The following RFX3 variants were observed in gnomAD, a reference collection of about 807,000 sequenced individuals.
RFX3 encodes regulatory factor X3.
In RFX3, 14 loss-of-function variants were observed where a neutral mutation model predicts 98.6. That is an observed-to-expected ratio of 0.14 (90% CI 0.09 to 0.22). RFX3 has a LOEUF of 0.22. Ranked by LOEUF, RFX3 falls within the 10% of genes least tolerant of loss-of-function variation. The probability of loss-of-function intolerance (pLI) is 1.00; values close to 1 mark genes in which losing one functional copy is unlikely to be tolerated. For synonymous variants in RFX3, 383 were observed against 328.4 expected, an observed-to-expected ratio of 1.17 and a Z score of -1.80; for missense variants, 639 against 926.9, an observed-to-expected ratio of 0.69 and a Z score of 4.03.
chr9:3,427,690 TTAAA>T (rs1329318404), intron 1 of RFX3, among the ~76,000 whole-genome samples: 14 of 151,778 alleles, frequency 9.2e-5, no homozygotes, highest in Non-Finnish European at 1.6e-4. Context: ...TTTGGCAGAA[TTAAA>T]CTTGGGACAC....
chr9:3,253,811 A>T lies in RFX3; in HGVS notation c.1814+3180T>A, dbSNP rs1316803936. Among the ~76,000 whole-genome samples the T allele has an allele frequency of 3.3e-5, 5 of 152,302 alleles. No homozygotes were observed. In the East Asian group the frequency reaches 9.6e-4, roughly 29 times the overall value. ...TATAATGGCATTTACAAATTTACAAATTTTTGGCATCTGTAATGCCAAAAA... is the reference window on the plus strand; with the variant it reads ...TATAATGGCATTTACAAATTTACAATTTTTTGGCATCTGTAATGCCAAAAA... On this transcript the variant is annotated intron_variant, in intron 14 of 16. Transcript: ENST00000617270.
chr9:3,469,088 C>A, intron 1 of RFX3: 2 of 372,338 alleles, frequency 5.4e-6, no homozygotes, highest in Non-Finnish European at 1.1e-5. Context: ...AGTGAAAGCC[C>A]AGACTATTGG....
chr9:3,436,792 C>A (rs913691291), intron 1 of RFX3, among the ~76,000 whole-genome samples: 3 of 151,936 alleles, frequency 2.0e-5, no homozygotes, highest in African/African-American at 7.2e-5. Flanking sequence ...AACGATCACA[C>A]CCAACTGGAA....
At chr9:3,262,882 A>G (rs1208353571) in intron 13 of RFX3, 53 bp downstream of exon 13, 1 of 1,558,986 alleles carries the variant, frequency 6.4e-7, no homozygotes, top group African/African-American at 1.4e-5. Context: ...AATTAAGAAG[A>G]ACAAATTGGG....
intron 1 of RFX3, among the ~76,000 whole-genome samples, chr9:3,504,540 T>C (rs935406759): frequency 5.9e-5 from 8 of 134,828 alleles, no homozygotes; most frequent in South Asian, 2.4e-4. Flanking sequence ...TTATATGCCA[T>C]ATGGTATATA....
At chr9:3,339,564 T>A (rs924131774) in intron 3 of RFX3, among the ~76,000 whole-genome samples, 1 of 152,200 alleles carries the variant, frequency 6.6e-6, no homozygotes, top group Non-Finnish European at 1.5e-5. Context: ...CCTGTCTCAC[T>A]GATCATTCAA....
intron 2 of RFX3, among the ~76,000 whole-genome samples, chr9:3,366,616 T>C (rs1472457780): frequency 6.6e-6 from 1 of 151,582 alleles, no homozygotes; most frequent in African/African-American, 2.4e-5. Flanking sequence ...AGTCTGTTTT[T>C]GGCAAATTTT....
intron 5 of RFX3, among the ~76,000 whole-genome samples, chr9:3,300,134 G>C (rs935872839): frequency 6.6e-6 from 1 of 151,320 alleles, no homozygotes; most frequent in Non-Finnish European, 1.5e-5. Flanking sequence ...TAGTATACAG[G>C]AAATCAGCCT....
In RFX3 at chr9:3,493,682, CAAA is replaced by C. The variant is rs71324250; in HGVS notation, c.-9+32062_-9+32064del. On this transcript the variant is annotated intron_variant, in intron 1 of 16. Coordinates refer to ENST00000617270, the MANE Select transcript of RFX3 (RefSeq NM_001282116.2). Reference sequence around the variant, plus strand: ...CTGGGCGACAAAGCGAGACTCATCTCAAAAAAAAAAAAAAAAAAATATATATAT... The same window carrying C: ...CTGGGCGACAAAGCGAGACTCATCTCAAAAAAAAAAAAAAAATATATATAT... 1.0e-2 allele frequency among the ~76,000 whole-genome samples: 792 copies of C among 79,504 alleles called. 8 individuals carry two copies. The highest frequency in any genetic ancestry group is 0.041 in the South Asian group (82 of 2,008). 52.2% of individuals were successfully genotyped at this position (79,504 alleles called of 152,430 possible).
chr9:3,356,923 A>G (rs1166045191), intron 2 of RFX3, among the ~76,000 whole-genome samples: 2 of 149,644 alleles, frequency 1.3e-5, no homozygotes, highest in Non-Finnish European at 3.0e-5. Context: ...ACAAAACTCA[A>G]CGTCCATTCA....
intron 2 of RFX3, among the ~76,000 whole-genome samples, chr9:3,365,883 A>C (rs1008760012): frequency 6.6e-6 from 1 of 151,864 alleles, no homozygotes; most frequent in Non-Finnish European, 1.5e-5. Flanking sequence ...CCACACACAC[A>C]GCCTCCCAGT....
At chr9:3,468,840 A>G (rs1848544236) in intron 1 of RFX3, among the ~76,000 whole-genome samples, 1 of 151,326 alleles carries the variant, frequency 6.6e-6, no homozygotes, top group Admixed American at 6.6e-5. Context: ...AAGAAAAAAG[A>G]AAAAAAAGAA....
intron 9 of RFX3, 118 bp from the exon 10 acceptor site, chr9:3,271,236 C>A (rs1365243544): frequency 5.4e-5 from 35 of 652,058 alleles, no homozygotes; most frequent in South Asian, 8.3e-5. Flanking sequence ...CATAAGTTAA[C>A]ATGGTGAAAC....
chr9:3,413,588 T>C (rs564339468), intron 1 of RFX3, among the ~76,000 whole-genome samples: 83 of 152,188 alleles, frequency 5.5e-4, no homozygotes, highest in Admixed American at 3.9e-3. Context: ...CTACTGCAGA[T>C]CCTAGACACA....
In RFX3 at chr9:3,219,630, A is replaced by G. The variant is rs1817242925; in HGVS notation, c.*5412T>C. The G allele has an allele frequency of 6.6e-6, 1 of 152,222 alleles. No individual in the cohort carries two copies. The highest frequency in any genetic ancestry group is 2.1e-4 in the South Asian group (1 of 4,832). 9.4% of individuals were successfully genotyped at this position (152,222 alleles called of 1,614,324 possible). On this transcript the variant is annotated 3_prime_UTR_variant, in exon 17 of 17. Coordinates refer to ENST00000617270, the MANE Select transcript of RFX3 (RefSeq NM_001282116.2). Reference sequence around the variant, plus strand: ...CTTTTACTATTTAAGTAAAATTGGTAAACTAAACTCAGGTCTACTGGCACA... The same window carrying G: ...CTTTTACTATTTAAGTAAAATTGGTGAACTAAACTCAGGTCTACTGGCACA...
intron 1 of RFX3, among the ~76,000 whole-genome samples, chr9:3,436,343 G>GAA (rs949212330): frequency 6.6e-6 from 1 of 152,016 alleles, no homozygotes; most frequent in African/African-American, 2.4e-5. Context: ...AGAACATACA[G>GAA]AAGCAAGAAT....
intron 14 of RFX3, 122 bp downstream of exon 14, chr9:3,256,869 G>C: frequency 1.1e-6 from 1 of 876,866 alleles, no homozygotes; most frequent in South Asian, 1.6e-5. Context: ...GTAACAGGGA[G>C]TTTCCACAAA....
At chr9:3,300,462 T>A (rs956912974) in intron 5 of RFX3, among the ~76,000 whole-genome samples, 1 of 151,736 alleles carries the variant, frequency 6.6e-6, no homozygotes, top group African/African-American at 2.4e-5. Context: ...TATTTTAAGA[T>A]ATAAAATTAA....
chr9:3,375,295 G>C (rs1838338521), intron 2 of RFX3, among the ~76,000 whole-genome samples: 1 of 152,190 alleles, frequency 6.6e-6, no homozygotes, highest in African/African-American at 2.4e-5. Flanking sequence ...CAGCTATCAG[G>C]ATGAGCTGTG....
Sources: allele counts gnomAD v4.1 joint callset (sites outside exome capture counted in the v4.1 genomes callset), GRCh38; gene constraint gnomAD v4.1.1; transcripts MANE v1.5; gene names NCBI Gene and HGNC (gene_info 2026-07-23, HGNC 2026-07-21).